The following TAF12 variants were observed in gnomAD, a reference collection of about 807,000 sequenced individuals.
The protein encoded by TAF12 is transcription initiation factor TFIID subunit 12.
In TAF12, 3 loss-of-function variants were observed where a neutral mutation model predicts 20.8. That is an observed-to-expected ratio of 0.14 (90% CI 0.07 to 0.37). TAF12 has a LOEUF of 0.37. Among genes scored for constraint, TAF12 ranks in the 10% least tolerant of loss-of-function variants. The pLI is 1.00. For missense variants in TAF12, 131 were observed against 197.9 expected, an observed-to-expected ratio of 0.66 and a Z score of 2.03; for synonymous variants, 69 against 70.2, an observed-to-expected ratio of 0.98 and a Z score of 0.09.
intron 3 of TAF12, 67 bp from the exon 4 acceptor site, chr1:28,613,428 C>G: frequency 7.6e-7 from 1 of 1,322,638 alleles, no homozygotes; most frequent in South Asian, 1.3e-5. Context: ...GCTGGGACAA[C>G]TGCTTTCAGC....
chr1:28,606,116 A>C (rs1666655901), intron 4 of TAF12, among the ~76,000 whole-genome samples: 1 of 152,106 alleles, frequency 6.6e-6, no homozygotes, highest in Non-Finnish European at 1.5e-5. Context: ...CTCCTGCCTC[A>C]GACTCCCGAG....
intron 4 of TAF12, among the ~76,000 whole-genome samples, chr1:28,606,521 G>A (rs747225060): frequency 3.3e-5 from 5 of 151,990 alleles, no homozygotes; most frequent in South Asian, 2.1e-4. Flanking sequence ...TCAGCCTCCC[G>A]AAGTGTTGGT....
At chr1:28,646,141 G>A (rs1228041833), upstream of TAF12, 1 of 152,060 alleles carries the variant, frequency 6.6e-6, no homozygotes, top group East Asian at 1.9e-4. Flanking sequence ...CAGCATGGTG[G>A]TGTGTACCTG....
chr1:28,645,563 G>A (rs1290266559), upstream of TAF12, among the ~76,000 whole-genome samples: 2 of 151,814 alleles, frequency 1.3e-5, no homozygotes, highest in Non-Finnish European at 2.9e-5. Flanking sequence ...AAGGAGAATC[G>A]CTGGAACCCG....
At chr1:28,643,149 C>G (rs1241177979), upstream of TAF12, 3 of 982,250 alleles carry the variant, frequency 3.1e-6, no homozygotes, top group Admixed American at 1.2e-4. Context: ...GGCGGGCGCG[C>G]GCCTCGCTTG....
intron 1 of TAF12, among the ~76,000 whole-genome samples, chr1:28,632,426 G>A (rs770002774): frequency 1.3e-5 from 2 of 152,106 alleles, no homozygotes; most frequent in African/African-American, 2.4e-5. Flanking sequence ...TGAGGTAAGA[G>A]AATTGCTTCA....
At chr1:28,617,452 T>G (rs1185537477) in intron 3 of TAF12, among the ~76,000 whole-genome samples, 5 of 151,572 alleles carry the variant, frequency 3.3e-5, no homozygotes, top group African/African-American at 1.2e-4. Context: ...TAATTTTTTT[T>G]CTTTTTTTTT....
At chr1:28,608,175 C>CA (rs58747974) in intron 4 of TAF12, among the ~76,000 whole-genome samples, 17,789 of 63,812 alleles carry the variant, frequency 0.28, 1,498 homozygotes, top group Non-Finnish European at 0.3. Context: ...ACTAAAAATA[C>CA]AAAAAAAAAA....
chr1:28,610,567 A>G (rs1262484053), intron 4 of TAF12, among the ~76,000 whole-genome samples: 3 of 152,118 alleles, frequency 2.0e-5, no homozygotes, highest in African/African-American at 7.2e-5. Context: ...CTCCTGCCTC[A>G]GCTTCCCAAA....
rs1570290274 is a variant in TAF12, at chr1:28,605,295, T to C, written c.450+77A>G. 1.4e-6 allele frequency: 2 copies of C among 1,477,954 alleles called. 1 individual carries two copies. Among genetic ancestry groups the C allele is most frequent in the Admixed American group, 3.4e-5 (2 of 58,368 alleles). 91.6% of individuals were successfully genotyped at this position (1,477,954 alleles called of 1,614,324 possible). A position where few individuals can be genotyped will look rare whatever the true frequency, so the allele number is the denominator to read the frequency against. Reference sequence around the variant, plus strand: ...GGAGGAAGCGAGGCCCCCTAGAAGGTAGCTGTGTGTATCCACTCTGAGACG... The same window carrying C: ...GGAGGAAGCGAGGCCCCCTAGAAGGCAGCTGTGTGTATCCACTCTGAGACG... On this transcript the variant is annotated intron_variant, in intron 5 of 5. Transcript: ENST00000373824.
intron 1 of TAF12, among the ~76,000 whole-genome samples, chr1:28,632,009 C>T (rs1322782021): frequency 6.6e-6 from 1 of 152,122 alleles, no homozygotes; most frequent in Admixed American, 6.6e-5. Flanking sequence ...TGAAAACTTA[C>T]ATTCACACAA....
intron 1 of TAF12, chr1:28,648,135 G>A (rs1183528810): frequency 2.0e-6 from 2 of 983,702 alleles, no homozygotes; most frequent in Non-Finnish European, 2.4e-6. Context: ...TGGTGGCTAG[G>A]GGTGGCACAA....
chr1:28,644,767 C>G (rs1668141474), upstream of TAF12, among the ~76,000 whole-genome samples: 1 of 152,174 alleles, frequency 6.6e-6, no homozygotes, highest in African/African-American at 2.4e-5. Context: ...GCTTTGGTAA[C>G]CGGGAAAGAC....
At chr1:28,634,061 TGACA>T (rs937437436) in intron 1 of TAF12, among the ~76,000 whole-genome samples, 3 of 151,728 alleles carry the variant, frequency 2.0e-5, no homozygotes, top group African/African-American at 7.3e-5. Context: ...CCAGCCTGGA[TGACA>T]GAGTGAGACT....
At chr1:28,607,317 A>G (rs1666698415) in intron 4 of TAF12, among the ~76,000 whole-genome samples, 1 of 152,044 alleles carries the variant, frequency 6.6e-6, no homozygotes, top group South Asian at 2.1e-4. Flanking sequence ...AGACTGCTTG[A>G]GCCCAGGAGT....
intron 1 of TAF12, among the ~76,000 whole-genome samples, chr1:28,635,827 T>TAAAA (rs768058897): frequency 6.6e-6 from 1 of 150,648 alleles, no homozygotes; most frequent in African/African-American, 2.4e-5. Context: ...TTTTTTTTTT[T>TAAAA]AAAAAAACAA....
At chr1:28,637,345 A>C (rs1383841590) in intron 1 of TAF12, among the ~76,000 whole-genome samples, 3 of 151,902 alleles carry the variant, frequency 2.0e-5, no homozygotes, top group Non-Finnish European at 2.9e-5. Context: ...CAGACCAGGC[A>C]AATTCTAAAG....
At chr1:28,632,249 C>A (rs1667655745) in intron 1 of TAF12, among the ~76,000 whole-genome samples, 1 of 152,064 alleles carries the variant, frequency 6.6e-6, no homozygotes, top group African/African-American at 2.4e-5. Context: ...ACCAGCCTGG[C>A]CAACATGGTG....
At chr1:28,628,271 A>G (rs892328674) in intron 1 of TAF12, among the ~76,000 whole-genome samples, 1 of 113,978 alleles carries the variant, frequency 8.8e-6, no homozygotes, top group African/African-American at 3.1e-5. Context: ...AGGCCAAGGC[A>G]TGAGAATGGC....
Sources: allele counts gnomAD v4.1 joint callset (sites outside exome capture counted in the v4.1 genomes callset), GRCh38; gene constraint gnomAD v4.1.1; transcripts MANE v1.5; gene names NCBI Gene and HGNC (gene_info 2026-07-23, HGNC 2026-07-21).